CNTN4: variants seen among roughly 807,000 people sequenced by gnomAD.
The protein encoded by CNTN4 is contactin-4.
In CNTN4, 77 loss-of-function variants were observed where a neutral mutation model predicts 122.5. The ratio of observed to expected loss-of-function variants is 0.63; its 90% CI spans 0.52 to 0.76. CNTN4 has a LOEUF of 0.76. Among genes scored for constraint, CNTN4 ranks in the 30% least tolerant of loss-of-function variants. The pLI is 0.00. For missense variants in CNTN4, 1,256 were observed against 1,259.1 expected, an observed-to-expected ratio of 1.00 and a Z score of 0.04; for synonymous variants, 512 against 447.0, an observed-to-expected ratio of 1.15 and a Z score of -1.83.
chr3:2,486,834 G>A (rs1331378250), intron 3 of CNTN4, among the ~76,000 whole-genome samples: 2 of 152,130 alleles, frequency 1.3e-5, no homozygotes, highest in Non-Finnish European at 2.9e-5. Context: ...GGCAAAAATG[G>A]ACCATTTAGA....
intron 6 of CNTN4, among the ~76,000 whole-genome samples, chr3:2,801,467 T>G (rs978404666): frequency 1.3e-5 from 2 of 152,212 alleles, no homozygotes; most frequent in African/African-American, 4.8e-5. Context: ...TGAATCTTTG[T>G]AGCCTCACAC....
At chr3:2,424,662 G>T (rs192971884) in intron 3 of CNTN4, among the ~76,000 whole-genome samples, 1 of 152,106 alleles carries the variant, frequency 6.6e-6, no homozygotes, top group African/African-American at 2.4e-5. Flanking sequence ...CAATGGTTGA[G>T]CTAGTTTACA....
chr3:2,974,165 G>A (rs1209374958), intron 13 of CNTN4, among the ~76,000 whole-genome samples: 1 of 152,122 alleles, frequency 6.6e-6, no homozygotes, highest in Non-Finnish European at 1.5e-5. Flanking sequence ...TGGGAGACAA[G>A]TTTACCTAGC....
At chr3:2,420,845 A>G (rs1377663784) in intron 3 of CNTN4, among the ~76,000 whole-genome samples, 1 of 152,112 alleles carries the variant, frequency 6.6e-6, no homozygotes, top group Non-Finnish European at 1.5e-5. Flanking sequence ...TGCTTCTGTG[A>G]TTAACGTTTC....
At chr3:2,512,262 A>G (rs976768996) in intron 3 of CNTN4, among the ~76,000 whole-genome samples, 4 of 134,268 alleles carry the variant, frequency 3.0e-5, no homozygotes, top group East Asian at 3.9e-4. Flanking sequence ...TATAAACTGT[A>G]TATCTCCTTT....
At chr3:2,573,118 A>G (rs1047741185) in intron 4 of CNTN4, among the ~76,000 whole-genome samples, 3 of 152,212 alleles carry the variant, frequency 2.0e-5, no homozygotes, top group African/African-American at 4.8e-5. Context: ...GAAGCCGACT[A>G]TAGTCTTGCC....
intron 3 of CNTN4, among the ~76,000 whole-genome samples, chr3:2,382,365 C>T (rs1027768533): frequency 1.3e-5 from 2 of 151,964 alleles, no homozygotes; most frequent in Admixed American, 1.3e-4. Flanking sequence ...CCATCTTGGC[C>T]AGGCTGGTCT....
chr3:2,322,448 G>A (rs1360211899), intron 2 of CNTN4, among the ~76,000 whole-genome samples: 5 of 152,156 alleles, frequency 3.3e-5, no homozygotes, highest in Admixed American at 1.3e-4. Context: ...ACAAAAGGAT[G>A]AATAACTATA....
Position 2,180,353 on chromosome 3 carries a change from T to A in CNTN4, c.-145+79714T>A, listed in dbSNP as rs958744627. Among the ~76,000 whole-genome samples the A allele has an allele frequency of 2.4e-4, 37 of 152,012 alleles. 1 individual carries two copies. The highest frequency in any genetic ancestry group is 7.4e-5 in the Non-Finnish European group (5 of 67,922). The stretch of plus-strand genomic sequence containing the variant: ...CTAGAAGGGTATGTTACTTTACAGG[T>A]TAGAAAAGTGAGATGTAAAGTTTAA... On this transcript the variant is annotated intron_variant, in intron 2 of 24. Coordinates refer to ENST00000418658, the MANE Select transcript of CNTN4 (RefSeq NM_175607.3).
At position 2,708,502 on chromosome 3, in the gene CNTN4, C is replaced by T. The variant is rs75746640; in HGVS notation, c.56-27713C>T. Reference sequence around the variant, plus strand: ...AATTAGGTTATCTCTAGCTGCTGTGCGGAAGCTCTGGGAGATAAGCAATCA... The same window carrying T: ...AATTAGGTTATCTCTAGCTGCTGTGTGGAAGCTCTGGGAGATAAGCAATCA... On this transcript the variant is annotated intron_variant, in intron 4 of 24. Transcript: ENST00000418658. 4.8e-4 allele frequency among the ~76,000 whole-genome samples: 73 copies of T among 152,270 alleles called. No homozygotes were observed. The East Asian group carries it at 7.3e-3, about 15-fold the overall frequency.
At chr3:2,767,633 C>G (rs1253964376) in intron 6 of CNTN4, among the ~76,000 whole-genome samples, 3 of 152,116 alleles carry the variant, frequency 2.0e-5, no homozygotes, top group Non-Finnish European at 2.9e-5. Flanking sequence ...GTGGAAAATG[C>G]ACAGCCGATT....
rs530490221 is a variant in CNTN4 at position 2,871,171 on chromosome 3, G to T, written c.652+4222G>T. Among the ~76,000 whole-genome samples the T allele has an allele frequency of 5.3e-5, 8 of 152,278 alleles. No homozygotes were observed. In the East Asian group the frequency reaches 1.4e-3, roughly 26 times the overall value. On this transcript the variant is annotated intron_variant, in intron 8 of 24. Coordinates refer to ENST00000418658, the MANE Select transcript of CNTN4 (RefSeq NM_175607.3). Reference sequence around the variant, plus strand: ...TAGCCACGTGGCTTTGAATGTGTCAGTTTAACCTCATTGTACTTAGTTTTC... The same window carrying T: ...TAGCCACGTGGCTTTGAATGTGTCATTTTAACCTCATTGTACTTAGTTTTC...
intron 6 of CNTN4, among the ~76,000 whole-genome samples, chr3:2,802,618 A>G (rs552188066): frequency 6.6e-6 from 1 of 152,288 alleles, no homozygotes; most frequent in Non-Finnish European, 1.5e-5. Flanking sequence ...AAGCAAGGTT[A>G]TGTATTGATT....
At chr3:2,730,369 A>C (rs1352162093) in intron 4 of CNTN4, among the ~76,000 whole-genome samples, 1 of 152,186 alleles carries the variant, frequency 6.6e-6, no homozygotes, top group African/African-American at 2.4e-5. Context: ...ATTTTGGAAC[A>C]TTTCAGATTT....
intron 3 of CNTN4, among the ~76,000 whole-genome samples, chr3:2,353,848 A>G (rs998391481): frequency 7.9e-5 from 12 of 152,074 alleles, no homozygotes; most frequent in South Asian, 2.1e-4. Flanking sequence ...GCAGTGAGCC[A>G]AGATGGCGCC....
chr3:2,272,265 C>T (rs2041328443), intron 2 of CNTN4, among the ~76,000 whole-genome samples: 1 of 152,066 alleles, frequency 6.6e-6, no homozygotes, highest in Non-Finnish European at 1.5e-5. Context: ...TCCACAATCC[C>T]AGTTTCTTAA....
At chr3:2,505,378 A>G (rs2076705244) in intron 3 of CNTN4, among the ~76,000 whole-genome samples, 1 of 152,172 alleles carries the variant, frequency 6.6e-6, no homozygotes, top group Admixed American at 6.5e-5. Flanking sequence ...TAAGTTTGAA[A>G]TTTTTAAAAA....
At chr3:2,638,230 T>C (rs1367282742) in intron 4 of CNTN4, among the ~76,000 whole-genome samples, 1 of 152,178 alleles carries the variant, frequency 6.6e-6, no homozygotes, top group Non-Finnish European at 1.5e-5. Context: ...GCAGATTCTT[T>C]AAACCTGTTA....
At chr3:2,880,617 T>A (rs1432895603) in intron 8 of CNTN4, among the ~76,000 whole-genome samples, 1 of 152,202 alleles carries the variant, frequency 6.6e-6, no homozygotes, top group Non-Finnish European at 1.5e-5. Context: ...GCAAGAGAAC[T>A]CAGACAGCAG....
Sources: gnomAD v4.1 joint callset for allele counts (sites outside exome capture counted in the v4.1 genomes callset) on GRCh38, gnomAD v4.1.1 for gene constraint, MANE v1.5 for transcripts, NCBI Gene and HGNC (gene_info 2026-07-23, HGNC 2026-07-21) for gene names.